Variants in MELK observed in about 807,000 individuals in gnomAD.
The protein encoded by MELK is maternal embryonic leucine zipper kinase, also known as pEg3 kinase.
Under a neutral mutation model 85.0 loss-of-function variants are expected in MELK, and 81 were observed. That is an observed-to-expected ratio of 0.95 (90% CI 0.80 to 1.15). MELK has a LOEUF of 1.15. Among genes scored for constraint, MELK ranks in the 50% most tolerant of loss-of-function variants. The pLI is 0.00. For synonymous variants in MELK, 252 were observed against 265.0 expected (o/e 0.95, Z 0.48); for missense variants, 754 against 777.5 (o/e 0.97, Z 0.36).
chr9:36,674,936 G>A lies in MELK; in HGVS notation c.1777G>A (p.Gly593Ser), dbSNP rs766786487. 2 of 1,562,540 alleles carry A rather than the reference G, an allele frequency of 1.3e-6. No homozygotes were observed. Among genetic ancestry groups the A allele is most frequent in the African/African-American group, 1.4e-5 (1 of 73,976 alleles). ...PKKHVDFVQK[G>S]YTLKCQTQSD... ...GAAGCATGTTGACTTTGTACAAAAGGGGTAAGAAGCACATTTACAAGCTGT... is the reference window on the plus strand; with the variant it reads ...GAAGCATGTTGACTTTGTACAAAAGAGGTAAGAAGCACATTTACAAGCTGT... Residue 593 changes from glycine to serine, a missense_variant and splice_region_variant, in exon 17 of 18, where the codon GGT (glycine) becomes AGT (serine). Physicochemically the swap from Gly to Ser is moderately conservative, Grantham distance 56 (BLOSUM62 0). Transcript: ENST00000298048.
chr9:36,621,139 G>C (rs1224822567), intron 8 of MELK, among the ~76,000 whole-genome samples: 1 of 151,326 alleles, frequency 6.6e-6, no homozygotes, highest in East Asian at 2.0e-4. Flanking sequence ...GGGCATAGTG[G>C]TGCATGCCTG....
At chr9:36,650,556 C>A (rs573163157) in intron 11 of MELK, among the ~76,000 whole-genome samples, 1 of 152,298 alleles carries the variant, frequency 6.6e-6, no homozygotes, top group South Asian at 2.1e-4. Context: ...TTATTATCAA[C>A]CCAGAATTCT....
intron 8 of MELK, among the ~76,000 whole-genome samples, chr9:36,619,630 T>TAAG (rs1587460888): frequency 6.6e-6 from 1 of 152,334 alleles, no homozygotes; most frequent in East Asian, 1.9e-4. Context: ...AATGGAATGA[T>TAAG]AAAGTTTTCA....
chr9:36,621,815 A>G (rs1192731615), intron 8 of MELK, among the ~76,000 whole-genome samples: 1 of 152,206 alleles, frequency 6.6e-6, no homozygotes, highest in Non-Finnish European at 1.5e-5. Flanking sequence ...TTATCAGTAT[A>G]TTGTTTCATC....
intron 13 of MELK, among the ~76,000 whole-genome samples, chr9:36,659,274 C>G (rs996739092): frequency 1.3e-5 from 2 of 152,150 alleles, no homozygotes; most frequent in Non-Finnish European, 2.9e-5. Context: ...CCTTAGCCTC[C>G]CAAAGTGCTG....
chr9:36,588,930 G>T (rs1371018216), intron 3 of MELK, among the ~76,000 whole-genome samples: 1 of 152,128 alleles, frequency 6.6e-6, no homozygotes, highest in Non-Finnish European at 1.5e-5. Flanking sequence ...GGTAGCTCAG[G>T]CATGATGACT....
Position 36,576,962 on chromosome 9 carries a change from T to C in MELK, c.-39+3955T>C, listed in dbSNP as rs1279400014. Among the ~76,000 whole-genome samples, 7 of 152,302 alleles carry C rather than the reference T, an allele frequency of 4.6e-5. No homozygotes were observed. In the East Asian group the frequency reaches 1.4e-3, roughly 29 times the overall value. On this transcript the variant is annotated intron_variant, in intron 1 of 17. Coordinates refer to ENST00000298048, the MANE Select transcript of MELK (RefSeq NM_014791.4). Reference sequence around the variant, plus strand: ...GGCTTTTGGGGTTTTGATAAGTTCATTCAGAATTTTTTCCACCTCAATTTT... The same window carrying C: ...GGCTTTTGGGGTTTTGATAAGTTCACTCAGAATTTTTTCCACCTCAATTTT...
intron 12 of MELK, among the ~76,000 whole-genome samples, chr9:36,655,895 T>C (rs756069178): frequency 6.6e-6 from 1 of 152,090 alleles, no homozygotes. Flanking sequence ...ATAGTCTAGG[T>C]ATGAGAAGAT....
At chr9:36,627,530 T>G (rs1425198428) in intron 8 of MELK, among the ~76,000 whole-genome samples, 1 of 151,272 alleles carries the variant, frequency 6.6e-6, no homozygotes. Flanking sequence ...CTCTCTTTTT[T>G]TTTTTTTTTT....
chr9:36,583,413 GTTT>G (rs1055985945), intron 2 of MELK, among the ~76,000 whole-genome samples: 2 of 135,456 alleles, frequency 1.5e-5, no homozygotes, highest in Non-Finnish European at 3.2e-5. Flanking sequence ...AGTGAGTTCT[GTTT>G]TTTTTTTATT....
intron 14 of MELK, among the ~76,000 whole-genome samples, 191 bp from the exon 15 acceptor site, chr9:36,669,119 T>A (rs1832653671): frequency 6.6e-6 from 1 of 152,164 alleles, no homozygotes; most frequent in African/African-American, 2.4e-5. Flanking sequence ...CAAAGCAAAA[T>A]GATTTTGTTT....
intron 2 of MELK, 124 bp from the exon 3 acceptor site, chr9:36,583,503 G>GA (rs1033535468): frequency 4.7e-5 from 23 of 485,940 alleles, no homozygotes; most frequent in South Asian, 6.4e-5. Flanking sequence ...GCAGCAACAG[G>GA]AAAAAAAAGC....
At chr9:36,662,064 T>C (rs957198103) in intron 13 of MELK, among the ~76,000 whole-genome samples, 1 of 151,906 alleles carries the variant, frequency 6.6e-6, no homozygotes, top group Non-Finnish European at 1.5e-5. Flanking sequence ...ATTTAGTTAT[T>C]ATATATCTTT....
intron 14 of MELK, among the ~76,000 whole-genome samples, chr9:36,665,992 C>T (rs971251498): frequency 1.8e-4 from 28 of 152,238 alleles, no homozygotes; most frequent in African/African-American, 5.1e-4. Flanking sequence ...CTGACGCCTC[C>T]GCTGAGCCTT....
At chr9:36,662,864 G>A (rs4242702) in intron 13 of MELK, among the ~76,000 whole-genome samples, 130,227 of 151,970 alleles carry the variant, frequency 0.86, 56,102 homozygotes, top group Admixed American at 0.9. Flanking sequence ...GGGCTACTGC[G>A]TTGCACACCT....
In MELK at chr9:36,657,152, GTC is replaced by G. The variant is rs142921111; in HGVS notation, c.1054-85_1054-84del. On this transcript the variant is annotated intron_variant, in intron 12 of 17. Transcript: ENST00000298048. ...TTGCCTAATACATTTCTCAGAATGT[GTC>G]TCTGTCGTTAAGTGACGCGTGACTG... The G allele has an allele frequency of 2.9e-4, 406 of 1,385,604 alleles. 3 individuals carry two copies. In the African/African-American group the frequency reaches 5.2e-3, roughly 18 times the overall value. The allele number at this position is 1,385,604 out of a possible 1,614,324, so 85.8% of individuals were successfully genotyped here.
chr9:36,649,380 G>A (rs185378170), intron 11 of MELK, among the ~76,000 whole-genome samples: 13 of 152,180 alleles, frequency 8.5e-5, no homozygotes, highest in South Asian at 6.2e-4. Flanking sequence ...CCAGCTACTC[G>A]GGAGTCTGAG....
intron 1 of MELK, among the ~76,000 whole-genome samples, chr9:36,577,459 T>C (rs577489168): frequency 6.6e-6 from 1 of 152,078 alleles, no homozygotes; most frequent in Admixed American, 6.5e-5. Context: ...CAGGTTGCAG[T>C]GAGCTGAGAT....
intron 7 of MELK, among the ~76,000 whole-genome samples, chr9:36,606,295 T>C (rs892248023): frequency 6.8e-6 from 1 of 147,832 alleles, no homozygotes; most frequent in Non-Finnish European, 1.5e-5. Context: ...TATAGGTGTG[T>C]ATATAATATA....
Sources: gnomAD v4.1 joint callset for allele counts (sites outside exome capture counted in the v4.1 genomes callset) on GRCh38, gnomAD v4.1.1 for gene constraint, MANE v1.5 for transcripts, NCBI Gene and HGNC (gene_info 2026-07-23, HGNC 2026-07-21) for gene names.